The following DYNC2H1 variants were observed in gnomAD, a reference collection of about 807,000 sequenced individuals.
DYNC2H1 encodes dynein cytoplasmic 2 heavy chain 1.
In DYNC2H1, 410 loss-of-function variants were observed where a neutral mutation model predicts 570.0. The ratio of observed to expected loss-of-function variants is 0.72; its 90% CI spans 0.66 to 0.78. The LOEUF (loss-of-function observed/expected upper bound fraction) is 0.78. DYNC2H1 is among the 30% of genes least tolerant of loss of function. DYNC2H1 has a pLI of 0.00. For missense variants in DYNC2H1, 4,865 were observed against 5,046.4 expected (o/e 0.96, Z 1.09); for synonymous variants, 1,688 against 1,677.6 (o/e 1.01, Z -0.15).
chr11:103,408,145 C>A (rs1278748122), intron 84 of DYNC2H1: 2 of 151,734 alleles, frequency 1.3e-5, no homozygotes, highest in Admixed American at 1.3e-4. Flanking sequence ...ATAGAAAGGG[C>A]CAGGGTTGGA....
At chr11:103,436,577 C>T (rs1301380379) in intron 85 of DYNC2H1, among the ~76,000 whole-genome samples, 1 of 152,074 alleles carries the variant, frequency 6.6e-6, no homozygotes, top group African/African-American at 2.4e-5. Context: ...CACAAAAGAG[C>T]CTTTTGTTTT....
chr11:103,194,253 C>A (rs1196847587), intron 47 of DYNC2H1, among the ~76,000 whole-genome samples: 1 of 152,002 alleles, frequency 6.6e-6, no homozygotes, highest in Non-Finnish European at 1.5e-5. Context: ...TTCGATAGCT[C>A]GTTTCTTTTT....
intron 83 of DYNC2H1, among the ~76,000 whole-genome samples, chr11:103,382,458 T>G (rs1210198411): frequency 6.6e-6 from 1 of 152,226 alleles, no homozygotes; most frequent in Non-Finnish European, 1.5e-5. Flanking sequence ...AAAATAGTAC[T>G]TTCTTAGGTT....
intron 70 of DYNC2H1, among the ~76,000 whole-genome samples, chr11:103,263,624 C>A (rs1393482518): frequency 6.6e-6 from 1 of 151,930 alleles, no homozygotes. Context: ...AGGTAAATAA[C>A]AAAATTAAGG....
intron 17 of DYNC2H1, among the ~76,000 whole-genome samples, chr11:103,139,736 T>G (rs543967536): frequency 0.047 from 7,210 of 152,066 alleles, 234 homozygotes; most frequent in Non-Finnish European, 0.068. Flanking sequence ...TAGGTCCACT[T>G]GGTGCAGAGC....
chr11:103,146,175 T>C (rs952627709), intron 18 of DYNC2H1, among the ~76,000 whole-genome samples: 10 of 152,206 alleles, frequency 6.6e-5, no homozygotes, highest in African/African-American at 2.2e-4. Context: ...AGTAAAACTT[T>C]AAAAGAAAAT....
At position 103,287,545 on chromosome 11, in the gene DYNC2H1, C is replaced by G. The variant is rs1866398823; in HGVS notation, c.11035C>G (p.Gln3679Glu). 3 of 1,608,764 alleles carry G rather than the reference C, an allele frequency of 1.9e-6. 1 individual carries two copies. The highest frequency in any genetic ancestry group is 3.4e-5 in the Admixed American group (2 of 59,614). ...VSLFQQILVVQALRPDRLQSA... is the reference protein window; with the variant it reads ...VSLFQQILVVEALRPDRLQSA... Reference sequence around the variant, plus strand: ...ATTTTATTTTAAGATTCTTGTAGTACAGGCGCTAAGACCGGACAGATTGCA... The same window carrying G: ...ATTTTATTTTAAGATTCTTGTAGTAGAGGCGCTAAGACCGGACAGATTGCA... The change falls in exon 75 of 89, where the codon CAG becomes GAG. Residue 3679 changes from glutamine to glutamate, a missense_variant. Transcript: ENST00000375735.
intron 82 of DYNC2H1, among the ~76,000 whole-genome samples, chr11:103,345,524 G>T (rs3847582): frequency 1.3e-5 from 2 of 152,212 alleles, no homozygotes; most frequent in South Asian, 4.1e-4. Flanking sequence ...GTGGGTTAAA[G>T]TGGTACTTCA....
At chr11:103,216,852 A>C (rs1003281002) in intron 55 of DYNC2H1, among the ~76,000 whole-genome samples, 1 of 152,126 alleles carries the variant, frequency 6.6e-6, no homozygotes, top group Non-Finnish European at 1.5e-5. Flanking sequence ...CGGGCATTAC[A>C]ATTTGAAACA....
chr11:103,157,687 T>C lies in DYNC2H1; in HGVS notation c.4127+917T>C, dbSNP rs967745828. Among the ~76,000 whole-genome samples the C allele has an allele frequency of 6.6e-6, 1 of 152,246 alleles. No individual in the cohort carries two copies. Among genetic ancestry groups the C allele is most frequent in the Non-Finnish European group, 1.5e-5 (1 of 68,038 alleles). On this transcript the variant is annotated intron_variant, in intron 26 of 88. Coordinates refer to ENST00000375735, the MANE Select transcript of DYNC2H1 (RefSeq NM_001377.3). The surrounding 1 kb of genome is among the most constrained non-coding windows in gnomAD (Gnocchi z 4.2). ...CGCACATTAACCTTCTGACTTGCTC[T>C]TGTATAATATAAGTTTTTCACACAA...
chr11:103,285,152 T>C (rs1866295334), intron 73 of DYNC2H1, among the ~76,000 whole-genome samples: 1 of 152,174 alleles, frequency 6.6e-6, no homozygotes. Flanking sequence ...AGTTTAAAAC[T>C]GAAGATAAGT....
In DYNC2H1 at chr11:103,122,934, A is replaced by G. The variant is rs1191884560; in HGVS notation, c.1595A>G (p.Gln532Arg). The stretch of plus-strand genomic sequence containing the variant: ...TTAGACCAGCTTAAACTATATGAAC[A>G]GGAACAATTTGATGATTGGTCCAGG... Reference protein sequence around the residue: ...DLLDQLKLYEQEQFDDWSRDI... With the variant: ...DLLDQLKLYEREQFDDWSRDI... Residue 532 changes from glutamine to arginine, a missense_variant, in exon 11 of 89, where the codon CAG (glutamine) becomes CGG (arginine). By Grantham distance (43) the Gln-to-Arg change is conservative. Around this residue, in one of 5 missense-constraint regions of DYNC2H1, gnomAD observed 1,936 missense variants for 1,962.1 expected, o/e 0.99. Transcript: ENST00000375735. 1 of 1,610,466 alleles carries G rather than the reference A, an allele frequency of 6.2e-7. No homozygotes were observed.
chr11:103,266,636 G>A (rs1257949641), intron 70 of DYNC2H1, among the ~76,000 whole-genome samples: 4 of 152,170 alleles, frequency 2.6e-5, no homozygotes, highest in African/African-American at 9.6e-5. Context: ...ATGCATACAT[G>A]CACCGCAAAG....
Position 103,116,556 on chromosome 11 carries a change from G to A in DYNC2H1, c.622-14G>A, listed in dbSNP as rs1442542334. ...AATATAATTATGTTTAAAAATTAAT[G>A]CATTTTTTTCTAGGAGTTTTATAAC... On this transcript the variant is annotated splice_polypyrimidine_tract_variant and intron_variant, in intron 4 of 88. Coordinates refer to ENST00000375735, the MANE Select transcript of DYNC2H1 (RefSeq NM_001377.3). 3.8e-6 allele frequency: 6 copies of A among 1,560,304 alleles called. No homozygotes were observed. The highest frequency in any genetic ancestry group is 2.3e-5 in the East Asian group (1 of 43,398).
intron 29 of DYNC2H1, among the ~76,000 whole-genome samples, chr11:103,162,308 G>A (rs1861129744): frequency 6.6e-6 from 1 of 152,014 alleles, no homozygotes; most frequent in Admixed American, 6.6e-5. Context: ...CTGGAACACA[G>A]AGTTATTTAA....
intron 40 of DYNC2H1, among the ~76,000 whole-genome samples, chr11:103,182,563 A>G (rs928239666): frequency 3.3e-5 from 5 of 151,886 alleles, no homozygotes; most frequent in African/African-American, 1.2e-4. Context: ...GATAACCACA[A>G]TTTAGCAGGA....
In DYNC2H1 at chr11:103,253,422, A is replaced by G. The variant is rs1231541526; in HGVS notation, c.10180A>G (p.Thr3394Ala). ...ASIVTEVNFTTTRSGLRGQLL... is the reference protein window; with the variant it reads ...ASIVTEVNFTATRSGLRGQLL... Reference sequence around the variant, plus strand: ...CATTGTTACTGAGGTTAACTTTACTACAACAAGAAGTGGATTACGAGGGCA... The same window carrying G: ...CATTGTTACTGAGGTTAACTTTACTGCAACAAGAAGTGGATTACGAGGGCA... The change falls in exon 66 of 89, where the codon ACA becomes GCA. Residue 3394 changes from threonine to alanine, a missense_variant. Thr to Ala is a moderately conservative substitution (Grantham distance 58). Coordinates refer to ENST00000375735, the MANE Select transcript of DYNC2H1 (RefSeq NM_001377.3). 6.2e-7 allele frequency: 1 copy of G among 1,612,408 alleles called. No individual in the cohort carries two copies. The highest frequency in any genetic ancestry group is 1.1e-5 in the South Asian group (1 of 90,998).
At chr11:103,362,365 ATG>A (rs1940698262) in intron 83 of DYNC2H1, among the ~76,000 whole-genome samples, 1 of 109,042 alleles carries the variant, frequency 9.2e-6, no homozygotes, top group Non-Finnish European at 1.8e-5. Flanking sequence ...TAGGATCTTG[ATG>A]TAACCACTTC....
chr11:103,278,680 C>T (rs1866007693), intron 70 of DYNC2H1, among the ~76,000 whole-genome samples: 1 of 152,182 alleles, frequency 6.6e-6, no homozygotes, highest in South Asian at 2.1e-4. Context: ...GATTCTCCTG[C>T]CTCGGCCTCC....
Sources: gnomAD v4.1 joint callset for allele counts (sites outside exome capture counted in the v4.1 genomes callset) on GRCh38, gnomAD v4.1.1 for gene constraint, gnomAD v4.1.1 regional missense constraint, Gnocchi (gnomAD v3.1) non-coding constraint, MANE v1.5 for transcripts, NCBI Gene and HGNC (gene_info 2026-07-23, HGNC 2026-07-21) for gene names.